TRAPPC8: variants seen among roughly 807,000 people sequenced by gnomAD.
TRAPPC8 encodes trafficking protein particle complex subunit 8, also known as general sporulation gene 1 homolog.
Under a neutral mutation model 174.3 loss-of-function variants are expected in TRAPPC8, and 54 were observed. The observed-to-expected ratio is 0.31, with a 90% confidence interval of 0.25 to 0.39. The LOEUF is 0.39. Ranked by LOEUF, TRAPPC8 falls within the 10% of genes least tolerant of loss-of-function variation. The probability of loss-of-function intolerance (pLI) is 1.00; values close to 1 mark genes in which losing one functional copy is unlikely to be tolerated. For synonymous variants in TRAPPC8, 630 were observed against 579.9 expected (o/e 1.09, Z -1.24); for missense variants, 1,531 against 1,699.1 (o/e 0.90, Z 1.74).
At chr18:31,931,293 T>C in intron 2 of TRAPPC8, 36 bp downstream of exon 2, 2 of 1,468,802 alleles carry the variant, frequency 1.4e-6, no homozygotes, top group South Asian at 3.1e-5. Flanking sequence ...AAAACGAAAT[T>C]TCACTCAAAA....
At chr18:31,873,956 A>T (rs1034458457) in intron 13 of TRAPPC8, 1 of 173,738 alleles carries the variant, frequency 5.8e-6, no homozygotes, top group African/African-American at 2.4e-5. Flanking sequence ...AAAATTTACA[A>T]CTTCCCATTT....
intron 1 of TRAPPC8, among the ~76,000 whole-genome samples, chr18:31,935,548 T>TGGAAAAAAAAAAAAAAAAAAAAA (rs745488703): frequency 8.6e-5 from 4 of 46,286 alleles, no homozygotes; most frequent in East Asian, 1.2e-3. Context: ...AACTCCATCT[T>TGGAAAAAAAAAAAAAAAAAAAAA]AAAAAAAAAA....
intron 11 of TRAPPC8, 100 bp downstream of exon 11, chr18:31,897,686 C>T: frequency 1.2e-6 from 1 of 829,564 alleles, no homozygotes; most frequent in Non-Finnish European, 1.7e-6. Flanking sequence ...ATTTCCCTGG[C>T]TAATTTTATG....
intron 26 of TRAPPC8, among the ~76,000 whole-genome samples, chr18:31,843,423 A>G (rs948312116): frequency 2.0e-5 from 3 of 152,188 alleles, no homozygotes; most frequent in African/African-American, 7.2e-5. Context: ...TTGTTGTTAC[A>G]TTGGTAAAAT....
At chr18:31,851,257 T>G (rs899567265) in intron 24 of TRAPPC8, among the ~76,000 whole-genome samples, 1 of 152,150 alleles carries the variant, frequency 6.6e-6, no homozygotes, top group Non-Finnish European at 1.5e-5. Flanking sequence ...TTAAAATGCA[T>G]ACTCCCAAAG....
intron 16 of TRAPPC8, chr18:31,870,091 CA>C (rs35938138): frequency 0.58 from 87,949 of 152,272 alleles, 23,239 homozygotes; most frequent in South Asian, 0.69. Context: ...GACTCTGTCT[CA>C]AAAAAAAAAA....
chr18:31,876,713 AG>A (rs558166518), intron 12 of TRAPPC8, among the ~76,000 whole-genome samples: 273 of 152,200 alleles, frequency 1.8e-3, no homozygotes, highest in African/African-American at 6.2e-3. Context: ...CCCCATGGAA[AG>A]GGTAAGTGGG....
intron 19 of TRAPPC8, among the ~76,000 whole-genome samples, chr18:31,864,246 A>G (rs1035191334): frequency 3.3e-5 from 5 of 151,826 alleles, no homozygotes; most frequent in African/African-American, 1.2e-4. Context: ...AGGTGAAGAT[A>G]GGAAGAAGGT....
intron 10 of TRAPPC8, 72 bp downstream of exon 10, chr18:31,900,853 T>C (rs2036389181): frequency 1.7e-6 from 2 of 1,155,844 alleles, no homozygotes; most frequent in Non-Finnish European, 2.4e-6. Flanking sequence ...AGTTTAGGAA[T>C]GGGGAAAAAA....
At chr18:31,839,208 T>C (rs1319963119) in intron 27 of TRAPPC8, 104 bp downstream of exon 27, 12 of 1,141,734 alleles carry the variant, frequency 1.1e-5, no homozygotes, top group Non-Finnish European at 1.5e-5. Flanking sequence ...ACATTCTAAA[T>C]TTCCTCTTCA....
At chr18:31,937,200 G>A (rs762702509) in intron 1 of TRAPPC8, among the ~76,000 whole-genome samples, 9 of 152,112 alleles carry the variant, frequency 5.9e-5, no homozygotes, top group African/African-American at 1.9e-4. Context: ...GTGACAGAGC[G>A]AGACTCCGTC....
intron 2 of TRAPPC8, among the ~76,000 whole-genome samples, chr18:31,919,960 AAC>A (rs1302595692): frequency 5.9e-5 from 9 of 152,206 alleles, no homozygotes; most frequent in Non-Finnish European, 1.0e-4. Context: ...GAATAAATGA[AAC>A]ACACAAATAG....
intron 12 of TRAPPC8, among the ~76,000 whole-genome samples, chr18:31,883,949 G>C (rs955972501): frequency 6.6e-6 from 1 of 152,210 alleles, no homozygotes; most frequent in Non-Finnish European, 1.5e-5. Context: ...AGCACTTTGG[G>C]AGGCTGAGGC....
chr18:31,899,601 A>G (rs1164157093), intron 10 of TRAPPC8, among the ~76,000 whole-genome samples: 1 of 152,164 alleles, frequency 6.6e-6, no homozygotes, highest in South Asian at 2.1e-4. Flanking sequence ...CTACTCAAAT[A>G]TTCGGTAATT....
At chr18:31,898,633 G>C (rs1416598130) in intron 10 of TRAPPC8, among the ~76,000 whole-genome samples, 1 of 152,196 alleles carries the variant, frequency 6.6e-6, no homozygotes, top group East Asian at 1.9e-4. Context: ...GTACCATTAG[G>C]ATATTTCTGC....
At chr18:31,923,828 C>T (rs1446217654) in intron 2 of TRAPPC8, among the ~76,000 whole-genome samples, 1 of 151,938 alleles carries the variant, frequency 6.6e-6, no homozygotes, top group Non-Finnish European at 1.5e-5. Context: ...CTCTGGGCAA[C>T]TTAGTGAGAC....
intron 1 of TRAPPC8, among the ~76,000 whole-genome samples, chr18:31,932,125 A>G (rs957368332): frequency 6.6e-6 from 1 of 152,022 alleles, no homozygotes; most frequent in Non-Finnish European, 1.5e-5. Flanking sequence ...TTAAAAATAG[A>G]GTCTACTTAA....
chr18:31,886,391 T>A (rs1173168498), intron 12 of TRAPPC8, among the ~76,000 whole-genome samples: 3 of 147,182 alleles, frequency 2.0e-5, no homozygotes, highest in African/African-American at 7.5e-5. Context: ...TAGCATTTAG[T>A]AAAGGAACAC....
intron 26 of TRAPPC8, among the ~76,000 whole-genome samples, chr18:31,840,013 A>T (rs530724711): frequency 2.0e-5 from 3 of 152,322 alleles, no homozygotes; most frequent in East Asian, 3.9e-4. Flanking sequence ...GTATTAACAT[A>T]GCTGTTTGTC....
Sources: allele counts gnomAD v4.1 joint callset (sites outside exome capture counted in the v4.1 genomes callset), GRCh38; gene constraint gnomAD v4.1.1; transcripts MANE v1.5; gene names NCBI Gene and HGNC (gene_info 2026-07-23, HGNC 2026-07-21).